Variants in CDH12 observed in about 807,000 individuals in gnomAD.
CDH12 encodes the protein cadherin 12.
A neutral mutation model predicts 74.1 loss-of-function variants in CDH12; 41 were observed. That is an observed-to-expected ratio of 0.55 (90% CI 0.43 to 0.72). CDH12 has a LOEUF of 0.72. Ranked by LOEUF, CDH12 falls within the 30% of genes least tolerant of loss-of-function variation. The pLI is 0.00. For missense variants in CDH12, 945 were observed against 977.2 expected (o/e 0.97, Z 0.44); for synonymous variants, 399 against 355.0 (o/e 1.12, Z -1.39).
intron 1 of CDH12, among the ~76,000 whole-genome samples, chr5:22,629,378 A>G (rs1160208506): frequency 1.3e-5 from 2 of 152,134 alleles, no homozygotes; most frequent in African/African-American, 4.8e-5. Flanking sequence ...AATACTAGCA[A>G]ACTGAATCCA....
intron 6 of CDH12, among the ~76,000 whole-genome samples, chr5:21,951,527 C>T (rs142060594): frequency 0.011 from 1,732 of 152,290 alleles, 29 homozygotes; most frequent in African/African-American, 0.039. Flanking sequence ...GGATTACAGG[C>T]GTAAGTCATC....
intron 5 of CDH12, among the ~76,000 whole-genome samples, chr5:22,049,766 G>A (rs903436363): frequency 2.0e-5 from 3 of 151,722 alleles, no homozygotes; most frequent in Admixed American, 6.6e-5. Flanking sequence ...TTTCTTTTTC[G>A]GTTCACCAAC....
At chr5:22,101,441 T>A (rs902890661) in intron 4 of CDH12, among the ~76,000 whole-genome samples, 1 of 152,184 alleles carries the variant, frequency 6.6e-6, no homozygotes, top group Non-Finnish European at 1.5e-5. Flanking sequence ...CTTCCAAAAC[T>A]TTCTTAAGAT....
At chr5:21,880,612 CTTCCTTCTTTCTTTCTTTCTTTCTTTCT>C (rs1365459314) in intron 6 of CDH12, among the ~76,000 whole-genome samples, 9 of 69,920 alleles carry the variant, frequency 1.3e-4, no homozygotes, top group African/African-American at 4.6e-4. Context: ...TCCTTCCTTC[CTTCCTTCTTTCTTTCTTTCTTTCTTTCT>C]TTCTTTCTTT....
At chr5:21,899,859 G>T (rs1201962891) in intron 6 of CDH12, among the ~76,000 whole-genome samples, 1 of 151,622 alleles carries the variant, frequency 6.6e-6, no homozygotes, top group African/African-American at 2.4e-5. Context: ...ACTTGTGATA[G>T]AATTCATTTT....
chr5:22,007,161 G>A (rs4123485), intron 5 of CDH12, among the ~76,000 whole-genome samples: 35,558 of 151,996 alleles, frequency 0.23, 4,335 homozygotes, highest in South Asian at 0.33. Flanking sequence ...ACTATATAAG[G>A]AAACCAATAA....
At chr5:22,127,163 C>G (rs1372978388) in intron 4 of CDH12, among the ~76,000 whole-genome samples, 3 of 151,728 alleles carry the variant, frequency 2.0e-5, no homozygotes, top group Non-Finnish European at 4.4e-5. Context: ...AAAAGATGAG[C>G]TATAAGAAGA....
chr5:22,321,370 C>T (rs1232826883), intron 3 of CDH12, among the ~76,000 whole-genome samples: 1 of 146,734 alleles, frequency 6.8e-6, no homozygotes, highest in Non-Finnish European at 1.5e-5. Context: ...TGGAAATCAT[C>T]ATTCTCAGTA....
chr5:22,539,650 G>T (rs561675095), intron 1 of CDH12, among the ~76,000 whole-genome samples: 3 of 152,138 alleles, frequency 2.0e-5, no homozygotes, highest in Admixed American at 6.5e-5. Flanking sequence ...CAGAAAAGTG[G>T]CCAAATAAAT....
At position 22,341,250 on chromosome 5, in the gene CDH12, G is replaced by A. The variant is rs889232424; in HGVS notation, c.-333+64007C>T. Among the ~76,000 whole-genome samples the A allele has an allele frequency of 3.9e-5, 6 of 152,216 alleles. No individual in the cohort carries two copies. The South Asian group carries it at 8.3e-4, about 21-fold the overall frequency. On this transcript the variant is annotated intron_variant, in intron 3 of 14. Transcript: ENST00000382254. ...AGTACCTCATAACTGCTGTATAAGT[G>A]AGGTAGGAGAATTCTTTGAGTCCAG...
intron 1 of CDH12, among the ~76,000 whole-genome samples, chr5:22,778,181 T>C (rs925470820): frequency 3.3e-5 from 5 of 152,192 alleles, no homozygotes; most frequent in Non-Finnish European, 5.9e-5. Context: ...TTTTAAAATG[T>C]GGATAATGTT....
At chr5:21,841,978 T>C (rs1179573448) in intron 8 of CDH12, among the ~76,000 whole-genome samples, 183 bp downstream of exon 8, 1 of 151,334 alleles carries the variant, frequency 6.6e-6, no homozygotes, top group Non-Finnish European at 1.5e-5. Context: ...CTGCACATTC[T>C]GCACATGTAC....
chr5:22,164,646 C>G (rs12657424), intron 4 of CDH12, among the ~76,000 whole-genome samples: 149,106 of 152,166 alleles, frequency 0.98, 73,118 homozygotes, highest in South Asian at 1. Context: ...TTGCTGGCTC[C>G]AGTGCCTGGG....
intron 1 of CDH12, among the ~76,000 whole-genome samples, chr5:22,563,083 T>C (rs2062683): frequency 0.16 from 23,107 of 147,652 alleles, 2,370 homozygotes; most frequent in East Asian, 0.37. Context: ...TATTTATATA[T>C]ATATATGTAA....
chr5:22,001,721 G>C (rs1445490782), intron 5 of CDH12, among the ~76,000 whole-genome samples: 1 of 151,086 alleles, frequency 6.6e-6, no homozygotes, highest in Admixed American at 6.6e-5. Context: ...ACTTTTTGCT[G>C]CTTTTTTTTT....
At chr5:22,378,066 T>C (rs1003944459) in intron 3 of CDH12, among the ~76,000 whole-genome samples, 3 of 152,188 alleles carry the variant, frequency 2.0e-5, no homozygotes, top group Non-Finnish European at 4.4e-5. Flanking sequence ...TTACTACTTA[T>C]AGTGCAATAA....
At chr5:22,387,940 A>G (rs1369636603) in intron 3 of CDH12, among the ~76,000 whole-genome samples, 1 of 152,094 alleles carries the variant, frequency 6.6e-6, no homozygotes, top group East Asian at 1.9e-4. Flanking sequence ...TGTCACTAAG[A>G]CTATCAGGCT....
chr5:22,691,458 C>G (rs1742079099), intron 1 of CDH12, among the ~76,000 whole-genome samples: 1 of 152,172 alleles, frequency 6.6e-6, no homozygotes, highest in African/African-American at 2.4e-5. Context: ...TCAATTCATT[C>G]AAACCCTGGT....
intron 1 of CDH12, among the ~76,000 whole-genome samples, chr5:22,774,017 A>G (rs766769460): frequency 6.6e-6 from 1 of 152,006 alleles, no homozygotes; most frequent in Non-Finnish European, 1.5e-5. Context: ...GAGGGAAAGG[A>G]ACACTGTTGG....
Sources: allele counts gnomAD v4.1 joint callset (sites outside exome capture counted in the v4.1 genomes callset), GRCh38; gene constraint gnomAD v4.1.1; transcripts MANE v1.5; gene names NCBI Gene and HGNC (gene_info 2026-07-23, HGNC 2026-07-21).